Variants in RNPEP observed in about 807,000 individuals in gnomAD.
The protein encoded by RNPEP is arginyl aminopeptidase.
In RNPEP, 57 loss-of-function variants were observed where a neutral mutation model predicts 70.1. That is an observed-to-expected ratio of 0.81 (90% CI 0.66 to 1.01). RNPEP has a LOEUF of 1.01. Among genes scored for constraint, RNPEP ranks in the 50% least tolerant of loss-of-function variants. The pLI is 0.00. For missense variants in RNPEP, 787 were observed against 852.4 expected (o/e 0.92, Z 0.96); for synonymous variants, 335 against 357.4 (o/e 0.94, Z 0.71).
At chr1:201,986,081 C>T (rs562492437) in intron 1 of RNPEP, among the ~76,000 whole-genome samples, 151 of 152,236 alleles carry the variant, frequency 9.9e-4, no homozygotes, top group African/African-American at 3.5e-3. Context: ...CATACAACTG[C>T]GCCCAGCTAA....
Position 201,996,243 on chromosome 1 carries a change from T to C in RNPEP, c.834T>C (p.Phe278=), listed in dbSNP as rs986694481. The C allele has an allele frequency of 6.2e-7, 1 of 1,612,652 alleles. No homozygotes were observed. Among genetic ancestry groups the C allele is most frequent in the African/African-American group, 1.3e-5 (1 of 74,904 alleles). The change falls in exon 4 of 11, where the codon TTT becomes TTC. Residue 278 remains phenylalanine (F), a synonymous_variant. Coordinates refer to ENST00000295640, the MANE Select transcript of RNPEP (RefSeq NM_020216.4). ...TTTTGGCAACAGGAGAGAAGCTTTT[T>C]GGACCTTATGTTTGGGGAAGGTGTG... The part of the protein sequence containing the change: ...EEFLATGEKL[F]GPYVWGRYDL...
chr1:202,000,204 G>T (rs370754252), intron 6 of RNPEP, 189 bp downstream of exon 6: 3 of 543,716 alleles, frequency 5.5e-6, no homozygotes, highest in South Asian at 2.5e-5. Context: ...CAGCCAGATA[G>T]GAGTTCTGTC....
chr1:201,988,277 T>C (rs1008146401), intron 1 of RNPEP, among the ~76,000 whole-genome samples: 1 of 151,510 alleles, frequency 6.6e-6, no homozygotes, highest in Non-Finnish European at 1.5e-5. Context: ...CTGGCCAACA[T>C]GGTGAAACCC....
chr1:201,997,382 C>T lies in RNPEP; in HGVS notation c.918C>T (p.Thr306=), dbSNP rs201880232. The T allele has an allele frequency of 6.2e-7, 1 of 1,614,122 alleles. No individual in the cohort carries two copies. Among genetic ancestry groups the T allele is most frequent in the Non-Finnish European group, 8.5e-7 (1 of 1,180,020 alleles). The change falls in exon 5 of 11, where the codon ACC becomes ACT. Residue 306 remains threonine, a synonymous_variant. Coordinates refer to ENST00000295640, the MANE Select transcript of RNPEP (RefSeq NM_020216.4). ...PFGGMENPCL[T]FVTPCLLAGD... Reference sequence around the variant, plus strand: ...GAGGAATGGAGAACCCTTGTCTGACCTTTGTCACCCCCTGCCTGCTAGCTG... The same window carrying T: ...GAGGAATGGAGAACCCTTGTCTGACTTTTGTCACCCCCTGCCTGCTAGCTG...
intron 8 of RNPEP, among the ~76,000 whole-genome samples, chr1:202,002,672 T>C (rs1202360746): frequency 1.3e-5 from 2 of 152,250 alleles, no homozygotes; most frequent in Admixed American, 1.3e-4. Flanking sequence ...GCTTGCATTT[T>C]AATGCGGGGA....
At chr1:201,990,571 G>C (rs982895187) in intron 3 of RNPEP, among the ~76,000 whole-genome samples, 10 of 152,202 alleles carry the variant, frequency 6.6e-5, no homozygotes, top group Non-Finnish European at 2.9e-5. Flanking sequence ...CCTGCTCCCA[G>C]TTCCTAGAGG....
At position 202,001,781 on chromosome 1, in the gene RNPEP, C is replaced by G. The variant is rs1683824776; in HGVS notation, c.1426+14C>G. The G allele has an allele frequency of 6.9e-7, 1 of 1,439,054 alleles. No individual in the cohort carries two copies. The highest frequency in any genetic ancestry group is 1.4e-5 in the African/African-American group (1 of 71,290). The allele number at this position is 1,439,054 out of a possible 1,614,324, so 89.1% of individuals were successfully genotyped here. On this transcript the variant is annotated intron_variant, in intron 8 of 10. Transcript: ENST00000295640. ...ATATCATTCCAGGTAAGCAGAGGAACTGGCCCACAGGCTTCTAAAAAATAG... is the reference window on the plus strand; with the variant it reads ...ATATCATTCCAGGTAAGCAGAGGAAGTGGCCCACAGGCTTCTAAAAAATAG...
chr1:201,986,339 C>T lies in RNPEP; in HGVS notation c.448-2565C>T, dbSNP rs544567300. ...CAAACTCCTGGCCTCAAGCGATCCT[C>T]CTGCCTTGACCTCCCGAAGTGCTGG... On this transcript the variant is annotated intron_variant, in intron 1 of 10. Transcript: ENST00000295640. 5.3e-5 allele frequency among the ~76,000 whole-genome samples: 8 copies of T among 152,184 alleles called. No individual in the cohort carries two copies. In the South Asian group the frequency reaches 1.7e-3, roughly 32 times the overall value.
intron 5 of RNPEP, 74 bp from the exon 6 acceptor site, chr1:201,999,828 T>C: frequency 8.5e-7 from 1 of 1,171,598 alleles, no homozygotes; most frequent in East Asian, 2.4e-5. Flanking sequence ...GGCAGCACAG[T>C]GTCTCTGTCA....
In RNPEP at chr1:202,005,819, T is replaced by G. The variant is rs1684042117; in HGVS notation, c.*103T>G. 7.6e-7 allele frequency: 1 copy of G among 1,322,332 alleles called. No individual in the cohort carries two copies. The highest frequency in any genetic ancestry group is 1.8e-5 in the Admixed American group (1 of 56,402). 81.9% of individuals were successfully genotyped at this position (1,322,332 alleles called of 1,614,324 possible). Reference sequence around the variant, plus strand: ...CCTGATCAACTTCCTGGAGTTTATATCCCCTCAGGATAATCTATTCTCTAG... The same window carrying G: ...CCTGATCAACTTCCTGGAGTTTATAGCCCCTCAGGATAATCTATTCTCTAG... On this transcript the variant is annotated 3_prime_UTR_variant, in exon 11 of 11. Transcript: ENST00000295640.
At chr1:202,005,295 A>G (rs1684009324) in intron 10 of RNPEP, among the ~76,000 whole-genome samples, 1 of 152,056 alleles carries the variant, frequency 6.6e-6, no homozygotes, top group Non-Finnish European at 1.5e-5. Flanking sequence ...TGTCCACCCA[A>G]CTCATTCATT....
At chr1:202,003,659 C>T (rs935039413) in intron 9 of RNPEP, among the ~76,000 whole-genome samples, 198 bp downstream of exon 9, 7 of 152,260 alleles carry the variant, frequency 4.6e-5, no homozygotes, top group South Asian at 4.1e-4. Context: ...GGCTGGCACT[C>T]CACAAGGAAT....
intron 5 of RNPEP, among the ~76,000 whole-genome samples, chr1:201,998,873 A>G (rs1683671110): frequency 6.6e-6 from 1 of 152,184 alleles, no homozygotes; most frequent in Non-Finnish European, 1.5e-5. Flanking sequence ...AGAGATCCTT[A>G]AAAATTTGGG....
intron 1 of RNPEP, 180 bp downstream of exon 1, chr1:201,983,293 C>G: frequency 7.0e-7 from 1 of 1,436,692 alleles, no homozygotes; most frequent in Non-Finnish European, 9.1e-7. Context: ...TCCTCTTTTC[C>G]TCCCGGGCTG....
At chr1:201,983,635 GTTTT>G in intron 1 of RNPEP, 3 of 1,199,182 alleles carry the variant, frequency 2.5e-6, no homozygotes, top group Non-Finnish European at 3.2e-6. Flanking sequence ...TCTTATCTTT[GTTTT>G]TGTTTCCTCC....
rs1236970471 is a variant in RNPEP, at chr1:201,982,974, C to T, written c.308C>T (p.Pro103Leu). Residue 103 changes from proline (P) to leucine (L), a missense_variant, in exon 1 of 11, where the codon CCG (proline) becomes CTG (leucine). Pro to Leu is a moderately conservative substitution (Grantham distance 98). Transcript: ENST00000295640. Reference protein sequence around the residue: ...LRRERPGSEEPPAEPVSFYTQ... With the variant: ...LRRERPGSEELPAEPVSFYTQ... ...CGGGAGCGGCCCGGCTCGGAGGAGC[C>T]GCCTGCGGAGCCCGTGAGCTTCTAC... The T allele has an allele frequency of 3.3e-6, 5 of 1,509,644 alleles. No individual in the cohort carries two copies. The highest frequency in any genetic ancestry group is 2.2e-4 in the Middle Eastern group (1 of 4,512). The allele number at this position is 1,509,644 out of a possible 1,614,324, so 93.5% of individuals were successfully genotyped here.
In RNPEP at chr1:201,989,080, GATGAAGAA is replaced by G. The variant is rs527869080; in HGVS notation, c.588+41_588+48del. ...TAAGGTTAGGTGCACCTGCCCTTGG[GATGAAGAA>G]ATGATTTCAGATCTATCAATCAGGT... On this transcript the variant is annotated intron_variant, in intron 2 of 10. Coordinates refer to ENST00000295640, the MANE Select transcript of RNPEP (RefSeq NM_020216.4). 2.3e-3 allele frequency: 3,616 copies of G among 1,594,784 alleles called. 7 individuals are homozygous for G. Among genetic ancestry groups the G allele is most frequent in the Non-Finnish European group, 2.8e-3 (3,323 of 1,168,678 alleles).
intron 1 of RNPEP, among the ~76,000 whole-genome samples, chr1:201,985,489 TCAAGC>T (rs1178981528): frequency 3.3e-5 from 5 of 152,228 alleles, no homozygotes; most frequent in Middle Eastern, 3.4e-3. Context: ...ACTCCTGGGT[TCAAGC>T]CATCTGCCCG....
intron 5 of RNPEP, 102 bp downstream of exon 5, chr1:201,997,656 G>T: frequency 1.2e-6 from 1 of 830,536 alleles, no homozygotes; most frequent in Non-Finnish European, 1.9e-6. Context: ...TGGGTGTGAA[G>T]AGACGAGGCA....
Sources: allele counts gnomAD v4.1 joint callset (sites outside exome capture counted in the v4.1 genomes callset), GRCh38; gene constraint gnomAD v4.1.1; transcripts MANE v1.5; gene names NCBI Gene and HGNC (gene_info 2026-07-23, HGNC 2026-07-21).